LMTK2: variants seen among roughly 807,000 people sequenced by gnomAD.
LMTK2 encodes serine/threonine-protein kinase LMTK2.
In LMTK2, 37 loss-of-function variants were observed where a neutral mutation model predicts 127.5. The observed-to-expected ratio is 0.29, with a 90% CI of 0.22 to 0.38. The LOEUF is 0.38. LMTK2 is among the 10% of genes least tolerant of loss of function. The probability of loss-of-function intolerance (pLI) is 1.00; values close to 1 mark genes in which losing one functional copy is unlikely to be tolerated. For synonymous variants in LMTK2, 819 were observed against 810.1 expected, an observed-to-expected ratio of 1.01 and a Z score of -0.19; for missense variants, 1,694 against 1,920.3, an observed-to-expected ratio of 0.88 and a Z score of 2.20.
At chr7:98,174,689 G>A (rs932381882) in intron 7 of LMTK2, among the ~76,000 whole-genome samples, 1 of 152,160 alleles carries the variant, frequency 6.6e-6, no homozygotes, top group Non-Finnish European at 1.5e-5. Flanking sequence ...TGACCATTGT[G>A]TACAAAAGAA....
chr7:98,202,871 C>T (rs1373079407), intron 11 of LMTK2, among the ~76,000 whole-genome samples: 1 of 152,220 alleles, frequency 6.6e-6, no homozygotes, highest in African/African-American at 2.4e-5. Flanking sequence ...CCTCTGCTTT[C>T]TGGTCCCCTA....
intron 1 of LMTK2, among the ~76,000 whole-genome samples, chr7:98,114,395 A>G (rs1215875726): frequency 6.6e-6 from 1 of 151,842 alleles, no homozygotes; most frequent in Non-Finnish European, 1.5e-5. Flanking sequence ...GGATACCACC[A>G]TGCCTGACTG....
intron 3 of LMTK2, among the ~76,000 whole-genome samples, chr7:98,148,499 A>T (rs546252679): frequency 1.1e-4 from 17 of 149,822 alleles, no homozygotes; most frequent in Admixed American, 2.0e-4. Flanking sequence ...TCTCAAAAAA[A>T]AAAAAAAATA....
chr7:98,124,794 AAT>A (rs1491195509), intron 1 of LMTK2, among the ~76,000 whole-genome samples: 1 of 149,608 alleles, frequency 6.7e-6, no homozygotes, highest in Non-Finnish European at 1.5e-5. Context: ...CTAAAAAAAA[AAT>A]AATAATAACA....
intron 3 of LMTK2, among the ~76,000 whole-genome samples, chr7:98,144,803 T>C (rs1026982163): frequency 6.6e-6 from 1 of 151,734 alleles, no homozygotes; most frequent in Admixed American, 6.6e-5. Context: ...TGCATCTTGC[T>C]TTTTTTTCAC....
At position 98,193,527 on chromosome 7, in the gene LMTK2, TA is replaced by T; in HGVS notation, c.3063del (p.Val1022CysfsTer66). On this transcript the variant is annotated frameshift_variant, in exon 11 of 14. Transcript: ENST00000297293. LOFTEE classifies it high-confidence loss of function. The surrounding 1 kb of genome is among the most constrained non-coding windows in gnomAD (Gnocchi z 4.1). ...DSLGSHTPQKLVPPDKPADSG... is the reference protein window; with the variant it reads ...DSLGSHTPQKXVPPDKPADSG... The stretch of plus-strand genomic sequence containing the variant: ...TTAGGATCTCACACTCCCCAGAAAC[TA>T]GTGCCCCCCGATAAGCCGGCAGACA... The T allele has an allele frequency of 6.2e-7, 1 of 1,614,002 alleles. No homozygotes were observed. Among genetic ancestry groups the T allele is most frequent in the Non-Finnish European group, 8.5e-7 (1 of 1,179,996 alleles).
At chr7:98,187,236 AG>A (rs1797449557) in intron 9 of LMTK2, among the ~76,000 whole-genome samples, 1 of 152,248 alleles carries the variant, frequency 6.6e-6, no homozygotes, top group African/African-American at 2.4e-5. Context: ...GCAGGAACCA[AG>A]TCTGTTTCAT....
intron 11 of LMTK2, among the ~76,000 whole-genome samples, chr7:98,195,723 G>T (rs1163043200): frequency 6.6e-6 from 1 of 152,156 alleles, no homozygotes; most frequent in African/African-American, 2.4e-5. Context: ...TGGCTATGGC[G>T]GGTCCAAGCA....
chr7:98,175,647 C>T (rs1412074091), intron 7 of LMTK2, among the ~76,000 whole-genome samples: 2 of 152,206 alleles, frequency 1.3e-5, no homozygotes, highest in African/African-American at 4.8e-5. Context: ...TCCTTATTTC[C>T]CTTTCTACAT....
chr7:98,157,258 TAGGTAGG>T (rs1292694247), intron 5 of LMTK2, among the ~76,000 whole-genome samples: 1 of 52,210 alleles, frequency 1.9e-5, no homozygotes, highest in East Asian at 4.5e-4. Flanking sequence ...TCTCGGTAGG[TAGGTAGG>T]TAGGTAGGTA....
intron 1 of LMTK2, among the ~76,000 whole-genome samples, chr7:98,121,182 G>A (rs1266913567): frequency 6.6e-6 from 1 of 152,140 alleles, no homozygotes; most frequent in Admixed American, 6.5e-5. Context: ...AAGAACCTCT[G>A]TAGTGCGATG....
At chr7:98,140,739 AG>A (rs1796685026) in intron 2 of LMTK2, among the ~76,000 whole-genome samples, 1 of 152,162 alleles carries the variant, frequency 6.6e-6, no homozygotes, top group Non-Finnish European at 1.5e-5. Context: ...CAGTATGCAA[AG>A]AATCATGTCA....
rs1352511656 is a variant in LMTK2, at chr7:98,206,282, AT to A, written c.*795del. 3 of 152,216 alleles carry A rather than the reference AT, an allele frequency of 2.0e-5. No homozygotes were observed. Among genetic ancestry groups the A allele is most frequent in the Non-Finnish European group, 4.4e-5 (3 of 68,046 alleles). The allele number at this position is 152,216 out of a possible 1,614,324, so 9.4% of individuals were successfully genotyped here. On this transcript the variant is annotated 3_prime_UTR_variant, in exon 14 of 14. Coordinates refer to ENST00000297293, the MANE Select transcript of LMTK2 (RefSeq NM_014916.4). Reference sequence around the variant, plus strand: ...CTGTTTTGTTGATGGACTTGAATGCATTTTTGTCTCTTCTTGATGAAGCGGC... The same window carrying A: ...CTGTTTTGTTGATGGACTTGAATGCATTTTGTCTCTTCTTGATGAAGCGGC...
At chr7:98,148,501 A>AT (rs1458614396) in intron 3 of LMTK2, among the ~76,000 whole-genome samples, 3 of 149,930 alleles carry the variant, frequency 2.0e-5, no homozygotes, top group Non-Finnish European at 4.4e-5. Context: ...TCAAAAAAAA[A>AT]AAAAAATAAT....
intron 7 of LMTK2, among the ~76,000 whole-genome samples, chr7:98,174,104 T>TATA (rs1491162365): frequency 8.5e-6 from 1 of 117,898 alleles, no homozygotes; most frequent in Non-Finnish European, 1.7e-5. Flanking sequence ...CATTTTGTTG[T>TATA]AAAAAAAAAA....
At chr7:98,162,843 A>C (rs1797034800) in intron 6 of LMTK2, among the ~76,000 whole-genome samples, 1 of 152,252 alleles carries the variant, frequency 6.6e-6, no homozygotes, top group African/African-American at 2.4e-5. Context: ...ATGGGTTATT[A>C]TCGAAACCAC....
In LMTK2 at chr7:98,107,118, A is replaced by C; in HGVS notation, c.-60A>C. 1 of 1,294,366 alleles carries C rather than the reference A, an allele frequency of 7.7e-7. No homozygotes were observed. Among genetic ancestry groups the C allele is most frequent in the Non-Finnish European group, 1.0e-6 (1 of 995,738 alleles). 80.2% of individuals were successfully genotyped at this position (1,294,366 alleles called of 1,614,324 possible). On this transcript the variant is annotated 5_prime_UTR_variant, in exon 1 of 14. Coordinates refer to ENST00000297293, the MANE Select transcript of LMTK2 (RefSeq NM_014916.4). ...GGGAGGCAGGATCGACTGACGGGCG[A>C]ACGGACGGACGGACGGAAGGCGACT...
At chr7:98,169,745 T>C (rs1448525415) in intron 6 of LMTK2, among the ~76,000 whole-genome samples, 1 of 152,158 alleles carries the variant, frequency 6.6e-6, no homozygotes, top group Non-Finnish European at 1.5e-5. Flanking sequence ...TCATTTGTTA[T>C]CCTTACAACT....
At chr7:98,112,366 C>T (rs1029176453) in intron 1 of LMTK2, among the ~76,000 whole-genome samples, 2 of 152,162 alleles carry the variant, frequency 1.3e-5, no homozygotes, top group African/African-American at 4.8e-5. Context: ...CCAGGCAAGA[C>T]TTGGTTTATC....
Sources: gnomAD v4.1 joint callset for allele counts (sites outside exome capture counted in the v4.1 genomes callset) on GRCh38, gnomAD v4.1.1 for gene constraint, Gnocchi (gnomAD v3.1) non-coding constraint, MANE v1.5 for transcripts, NCBI Gene and HGNC (gene_info 2026-07-23, HGNC 2026-07-21) for gene names.